DOCK3: variants seen among roughly 807,000 people sequenced by gnomAD.
DOCK3 encodes dedicator of cytokinesis protein 3.
Under a neutral mutation model 265.6 loss-of-function variants are expected in DOCK3, and 60 were observed. The observed-to-expected ratio is 0.23, with a 90% CI of 0.18 to 0.28. DOCK3 has a LOEUF of 0.28. Among genes scored for constraint, DOCK3 ranks in the 10% least tolerant of loss-of-function variants. The pLI, the probability that DOCK3 is intolerant of heterozygous loss-of-function variation, is 1.00. For synonymous variants in DOCK3, 881 were observed against 938.0 expected (o/e 0.94, Z 1.11); for missense variants, 1,981 against 2,594.3 (o/e 0.76, Z 5.14).
chr3:51,238,512 A>G (rs536353441), intron 21 of DOCK3, among the ~76,000 whole-genome samples: 1 of 151,698 alleles, frequency 6.6e-6, no homozygotes, highest in Non-Finnish European at 1.5e-5. Context: ...TATATAGGTA[A>G]ATTTGTGTCA....
chr3:51,089,827 G>C (rs1414114271), intron 8 of DOCK3, among the ~76,000 whole-genome samples: 1 of 150,326 alleles, frequency 6.7e-6, no homozygotes, highest in Non-Finnish European at 1.5e-5. Flanking sequence ...GCTTGAACCC[G>C]GGAGTAGAGT....
At chr3:51,321,644 G>A (rs2083736779) in intron 32 of DOCK3, among the ~76,000 whole-genome samples, 2 of 152,108 alleles carry the variant, frequency 1.3e-5, no homozygotes, top group South Asian at 4.1e-4. Context: ...ATGACCTGAT[G>A]GAGCTGAAAA....
At chr3:50,877,225 A>G in intron 3 of DOCK3, 1 of 325,182 alleles carries the variant, frequency 3.1e-6, no homozygotes, top group Non-Finnish European at 6.1e-6. Context: ...GAGCTCTCTC[A>G]TGATCTTACG....
At chr3:51,160,841 C>A in intron 12 of DOCK3, 139 bp downstream of exon 12, 2 of 1,020,088 alleles carry the variant, frequency 2.0e-6, no homozygotes, top group Non-Finnish European at 2.7e-6. Context: ...CTTTGGGAGG[C>A]CAAGGTGGGC....
At chr3:50,993,156 A>C (rs552124401) in intron 5 of DOCK3, among the ~76,000 whole-genome samples, 22 of 152,288 alleles carry the variant, frequency 1.4e-4, no homozygotes, top group African/African-American at 5.3e-4. Flanking sequence ...CCCTAAGTTG[A>C]ATATGATGGG....
chr3:51,147,363 T>G (rs551178019), intron 10 of DOCK3, among the ~76,000 whole-genome samples: 1 of 152,322 alleles, frequency 6.6e-6, no homozygotes, highest in East Asian at 1.9e-4. Context: ...TATATATACT[T>G]TAAGTTCTAG....
chr3:50,890,210 A>G (rs1025431150), intron 4 of DOCK3, 129 bp downstream of exon 4: 18 of 633,074 alleles, frequency 2.8e-5, no homozygotes, highest in South Asian at 1.9e-4. Flanking sequence ...TACATGCTTT[A>G]TCATGTAATT....
intron 5 of DOCK3, among the ~76,000 whole-genome samples, chr3:50,978,540 C>G (rs997430797): frequency 3.3e-5 from 5 of 152,192 alleles, no homozygotes; most frequent in Admixed American, 6.5e-5. Context: ...AACCACTGCT[C>G]TCTTCAAAGC....
At chr3:50,878,583 A>AAG (rs4028316) in intron 3 of DOCK3, among the ~76,000 whole-genome samples, 36,931 of 151,856 alleles carry the variant, frequency 0.24, 5,600 homozygotes, top group East Asian at 0.39. Flanking sequence ...TTAGAGAAAA[A>AAG]AGTAAAGAGA....
chr3:50,697,868 G>A (rs2035733360), intron 1 of DOCK3, among the ~76,000 whole-genome samples: 1 of 151,940 alleles, frequency 6.6e-6, no homozygotes, highest in Non-Finnish European at 1.5e-5. Flanking sequence ...GATTATATTT[G>A]GTCTTAGGTC....
intron 3 of DOCK3, among the ~76,000 whole-genome samples, chr3:50,845,089 G>C (rs2046017601): frequency 6.6e-6 from 1 of 152,080 alleles, no homozygotes; most frequent in African/African-American, 2.4e-5. Flanking sequence ...CTGGCTTGGT[G>C]GTGCACTCCT....
chr3:50,864,782 A>C (rs77031559), intron 3 of DOCK3, among the ~76,000 whole-genome samples: 2 of 151,996 alleles, frequency 1.3e-5, no homozygotes, highest in African/African-American at 4.8e-5. Context: ...TGAGTTCTCT[A>C]TTCTGTTCTA....
In DOCK3 at chr3:50,793,352, CTTTTTCTTTTTTT is replaced by C. The variant is rs1320334804; in HGVS notation, c.121+14600_121+14612del. 1.3e-4 allele frequency among the ~76,000 whole-genome samples: 19 copies of C among 142,408 alleles called. No individual in the cohort carries two copies. In the East Asian group the frequency reaches 3.6e-3, roughly 27 times the overall value. The allele number at this position is 142,408 out of a possible 152,430, so 93.4% of individuals were successfully genotyped here. Reference sequence around the variant, plus strand: ...TATCTGTTTTATTAATTTTCTTTTTCTTTTTCTTTTTTTTTTTTTTTTTGAGGCAGAGTTTTGC... The same window carrying C: ...TATCTGTTTTATTAATTTTCTTTTTCTTTTTTTTTTGAGGCAGAGTTTTGC... On this transcript the variant is annotated intron_variant, in intron 2 of 52. Coordinates refer to ENST00000266037, the MANE Select transcript of DOCK3 (RefSeq NM_004947.5).
At chr3:51,193,729 A>T (rs1164234391) in intron 12 of DOCK3, among the ~76,000 whole-genome samples, 1 of 147,032 alleles carries the variant, frequency 6.8e-6, no homozygotes, top group Non-Finnish European at 1.5e-5. Context: ...GTCTCTAATG[A>T]TTCTTTGCAT....
Position 51,080,891 on chromosome 3 carries a change from T to C in DOCK3, c.549+5451T>C, listed in dbSNP as rs2082211624. Reference sequence around the variant, plus strand: ...AACCACAGAAAACCTGATTTGTTTTTGAATGCTTGAATTTTTTTTTTTTTT... The same window carrying C: ...AACCACAGAAAACCTGATTTGTTTTCGAATGCTTGAATTTTTTTTTTTTTT... On this transcript the variant is annotated intron_variant, in intron 7 of 52. Coordinates refer to ENST00000266037, the MANE Select transcript of DOCK3 (RefSeq NM_004947.5). Among the ~76,000 whole-genome samples, 2 of 152,054 alleles carry C rather than the reference T, an allele frequency of 1.3e-5. 1 individual carries two copies. The highest frequency in any genetic ancestry group is 4.1e-4 in the South Asian group (2 of 4,834).
intron 5 of DOCK3, among the ~76,000 whole-genome samples, chr3:50,944,194 G>A (rs1389744788): frequency 6.6e-6 from 1 of 152,170 alleles, no homozygotes; most frequent in Non-Finnish European, 1.5e-5. Flanking sequence ...TGTATTTAAA[G>A]CAGAATAGAA....
intron 9 of DOCK3, among the ~76,000 whole-genome samples, chr3:51,106,626 C>T (rs1006783597): frequency 6.6e-6 from 1 of 152,192 alleles, no homozygotes; most frequent in Admixed American, 6.5e-5. Flanking sequence ...TAAAACTAGG[C>T]ATGGAAAATA....
At chr3:50,690,915 A>G (rs754638536) in intron 1 of DOCK3, among the ~76,000 whole-genome samples, 1 of 151,382 alleles carries the variant, frequency 6.6e-6, no homozygotes, top group Non-Finnish European at 1.5e-5. Flanking sequence ...TGCTGGGATT[A>G]CATGTATGAG....
chr3:51,218,359 G>A (rs1286316763), intron 14 of DOCK3, among the ~76,000 whole-genome samples: 1 of 151,996 alleles, frequency 6.6e-6, no homozygotes, highest in Non-Finnish European at 1.5e-5. Flanking sequence ...GCTTAAACTC[G>A]GGAGGTAAAA....
Sources: allele counts gnomAD v4.1 joint callset (sites outside exome capture counted in the v4.1 genomes callset), GRCh38; gene constraint gnomAD v4.1.1; transcripts MANE v1.5; gene names NCBI Gene and HGNC (gene_info 2026-07-23, HGNC 2026-07-21).